Variants in TAF13 observed in about 807,000 individuals in gnomAD.
TAF13 encodes TATA-box binding protein associated factor 13, also known as transcription initiation factor TFIID subunit 13.
In TAF13, 9 loss-of-function variants were observed where a neutral mutation model predicts 18.7. The observed-to-expected ratio is 0.48, with a 90% confidence interval of 0.29 to 0.84. TAF13 has a LOEUF of 0.84. Among genes scored for constraint, TAF13 ranks in the 40% least tolerant of loss-of-function variants. The probability of loss-of-function intolerance (pLI) is 0.08; values close to 1 mark genes in which losing one functional copy is unlikely to be tolerated. For missense variants in TAF13, 105 were observed against 146.5 expected (o/e 0.72, Z 1.46); for synonymous variants, 49 against 44.1 (o/e 1.11, Z -0.44).
At chr1:109,067,226 G>T (rs554604463) in intron 2 of TAF13, among the ~76,000 whole-genome samples, 2 of 152,224 alleles carry the variant, frequency 1.3e-5, no homozygotes, top group South Asian at 4.1e-4. Flanking sequence ...GGGAGGCCCA[G>T]GCAAGTAGAC....
chr1:109,074,310 T>C (rs570283487), intron 2 of TAF13, among the ~76,000 whole-genome samples: 8 of 152,284 alleles, frequency 5.3e-5, no homozygotes, highest in Admixed American at 3.3e-4. Context: ...ATGTGCTGTG[T>C]CCCCTCAGGG....
In TAF13 at chr1:109,074,972, T is replaced by C. The variant is rs1664155791; in HGVS notation, c.106+15A>G. ...TTCATCATCTATAACAAAATCATTG[T>C]CAAATACTACTTACATTCTTTAGAA... On this transcript the variant is annotated intron_variant, in intron 2 of 3. Transcript: ENST00000338366. The C allele has an allele frequency of 1.9e-6, 3 of 1,582,306 alleles. No homozygotes were observed. The highest frequency in any genetic ancestry group is 2.7e-5 in the African/African-American group (2 of 73,226).
In TAF13 at chr1:109,075,977, G is replaced by C; in HGVS notation, c.-30C>G. ...CTAGCACGCCAACTCACAGCGTCCT[G>C]CCGGCTGGCTCCCAGCTGGTTACAC... On this transcript the variant is annotated 5_prime_UTR_variant, in exon 1 of 4. Coordinates refer to ENST00000338366, the MANE Select transcript of TAF13 (RefSeq NM_005645.4). 2 of 1,614,158 alleles carry C rather than the reference G, an allele frequency of 1.2e-6. No individual in the cohort carries two copies. Among genetic ancestry groups the C allele is most frequent in the Non-Finnish European group, 1.7e-6 (2 of 1,180,034 alleles).
At chr1:109,071,601 A>G (rs550968976) in intron 2 of TAF13, among the ~76,000 whole-genome samples, 47 of 152,028 alleles carry the variant, frequency 3.1e-4, no homozygotes, top group African/African-American at 1.1e-3. Flanking sequence ...CAGAAGAGTG[A>G]GACCCTGTCT....
At chr1:109,066,521 G>T (rs1198841770) in intron 2 of TAF13, among the ~76,000 whole-genome samples, 1 of 152,004 alleles carries the variant, frequency 6.6e-6, no homozygotes, top group Non-Finnish European at 1.5e-5. Context: ...ACCAGTCCCT[G>T]CCCCCAGCAG....
At chr1:109,071,979 C>A (rs1437976413) in intron 2 of TAF13, among the ~76,000 whole-genome samples, 1,530 of 7,948 alleles carry the variant, frequency 0.19, 198 homozygotes, top group Middle Eastern at 0.64. Context: ...TATATATACA[C>A]ACATATATAT....
In TAF13 at chr1:109,075,006, CT is replaced by C; in HGVS notation, c.86del (p.Lys29ArgfsTer11). The stretch of plus-strand genomic sequence containing the variant: ...ACTTACATTCTTTAGAAAAAAGTCT[CT>C]TTCTTTTACCCTGTCCACCTTCTGC... The part of the protein sequence containing the change: ...GGAEGGQGKR[K>X]RLFSKELRCM... On this transcript the variant is annotated frameshift_variant, in exon 2 of 4. Coordinates refer to ENST00000338366, the MANE Select transcript of TAF13 (RefSeq NM_005645.4). LOFTEE classifies it high-confidence loss of function. 6.2e-7 allele frequency: 1 copy of C among 1,600,800 alleles called. No homozygotes were observed. Among genetic ancestry groups the C allele is most frequent in the South Asian group, 1.1e-5 (1 of 87,372 alleles).
chr1:109,071,183 G>A (rs577318200), intron 2 of TAF13, among the ~76,000 whole-genome samples: 1 of 152,200 alleles, frequency 6.6e-6, no homozygotes, highest in South Asian at 2.1e-4. Context: ...GCTCACGCCT[G>A]TAATTCCAGC....
intron 3 of TAF13, among the ~76,000 whole-genome samples, chr1:109,065,268 T>C (rs553089132): frequency 6.6e-6 from 1 of 152,230 alleles, no homozygotes; most frequent in East Asian, 1.9e-4. Context: ...GGGGGTAGAT[T>C]GCTTGAACCC....
chr1:109,069,278 C>T (rs375981109), intron 2 of TAF13, among the ~76,000 whole-genome samples: 31 of 152,070 alleles, frequency 2.0e-4, no homozygotes, highest in African/African-American at 6.8e-4. Context: ...CAGGACCTCC[C>T]GTGGATACCA....
intron 2 of TAF13, among the ~76,000 whole-genome samples, chr1:109,074,306 T>G (rs2102113021): frequency 6.6e-6 from 1 of 152,342 alleles, no homozygotes; most frequent in Non-Finnish European, 1.5e-5. Flanking sequence ...AAACATGTGC[T>G]GTGTCCCCTC....
chr1:109,071,449 A>G (rs1664050391), intron 2 of TAF13, among the ~76,000 whole-genome samples: 1 of 151,450 alleles, frequency 6.6e-6, no homozygotes, highest in Non-Finnish European at 1.5e-5. Context: ...TCAGGAAAAA[A>G]AAAAAAAAAA....
chr1:109,067,444 A>C (rs1175629777), intron 2 of TAF13, among the ~76,000 whole-genome samples: 1 of 151,700 alleles, frequency 6.6e-6, no homozygotes, highest in Non-Finnish European at 1.5e-5. Context: ...ACTAAAAAAA[A>C]AAAAAAAACA....
intron 3 of TAF13, among the ~76,000 whole-genome samples, chr1:109,065,163 C>A (rs969965940): frequency 6.6e-6 from 1 of 152,106 alleles, no homozygotes; most frequent in African/African-American, 2.4e-5. Context: ...AGCATTATTT[C>A]TAATGATTAA....
intron 2 of TAF13, among the ~76,000 whole-genome samples, chr1:109,069,542 C>G (rs563749501): frequency 2.3e-3 from 348 of 151,824 alleles, no homozygotes; most frequent in African/African-American, 8.2e-3. Flanking sequence ...TCCATGGATG[C>G]AGAACCCATG....
chr1:109,067,975 A>C (rs906409024), intron 2 of TAF13, among the ~76,000 whole-genome samples: 2 of 152,160 alleles, frequency 1.3e-5, no homozygotes, highest in Non-Finnish European at 2.9e-5. Flanking sequence ...TAGGGCAGAC[A>C]GGATCCGTGT....
At chr1:109,065,710 G>C (rs1663941022) in intron 3 of TAF13, among the ~76,000 whole-genome samples, 1 of 152,208 alleles carries the variant, frequency 6.6e-6, no homozygotes, top group South Asian at 2.1e-4. Context: ...ATCACCTGAG[G>C]TTGGGAGTTT....
At chr1:109,075,802 C>A in intron 1 of TAF13, 119 bp downstream of exon 1, 1 of 1,350,396 alleles carries the variant, frequency 7.4e-7, no homozygotes, top group East Asian at 2.3e-5. Flanking sequence ...GGCGTGAAGT[C>A]CCCGAACTCT....
chr1:109,070,738 G>A (rs954055560), intron 2 of TAF13, among the ~76,000 whole-genome samples: 2 of 151,984 alleles, frequency 1.3e-5, no homozygotes, highest in East Asian at 1.9e-4. Context: ...TAGATCTTTC[G>A]TCAGTAACTT....
Sources: gnomAD v4.1 joint callset for allele counts (sites outside exome capture counted in the v4.1 genomes callset) on GRCh38, gnomAD v4.1.1 for gene constraint, MANE v1.5 for transcripts, NCBI Gene and HGNC (gene_info 2026-07-23, HGNC 2026-07-21) for gene names.